Variants in ZNF649 observed in about 807,000 individuals in gnomAD.
ZNF649 encodes the protein zinc finger protein 649.
Under a neutral mutation model 14.1 loss-of-function variants are expected in ZNF649, and 7 were observed. That is an observed-to-expected ratio of 0.49 (90% CI 0.28 to 0.93). The LOEUF is 0.93. Among genes scored for constraint, ZNF649 ranks in the 40% least tolerant of loss-of-function variants. The pLI is 0.10. For synonymous variants in ZNF649, 227 were observed against 212.3 expected (o/e 1.07, Z -0.60); for missense variants, 544 against 608.1 (o/e 0.89, Z 1.11).
intron 2 of ZNF649, 66 bp from the exon 3 acceptor site, chr19:51,897,044 T>C: frequency 6.2e-7 from 1 of 1,604,320 alleles, no homozygotes; most frequent in Non-Finnish European, 8.5e-7. Context: ...ATGAAGTTGT[T>C]CGGCCCATTT....
At chr19:51,895,862 G>A (rs928436564) in intron 4 of ZNF649, among the ~76,000 whole-genome samples, 2 of 152,142 alleles carry the variant, frequency 1.3e-5, no homozygotes, top group Non-Finnish European at 2.9e-5. Context: ...AACTTGAGGA[G>A]AGGGTCTTGG....
intron 3 of ZNF649, 138 bp downstream of exon 3, chr19:51,896,714 C>T (rs1568456276): frequency 1.3e-6 from 2 of 1,576,972 alleles, no homozygotes; most frequent in Admixed American, 1.7e-5. Flanking sequence ...AAGATTATGC[C>T]TCTTCCTGTG....
chr19:51,890,089 G>A lies in ZNF649; in HGVS notation c.*529C>T, dbSNP rs891320821. 3 of 152,296 alleles carry A rather than the reference G, an allele frequency of 2.0e-5. No individual in the cohort carries two copies. 9.4% of individuals were successfully genotyped at this position (152,296 alleles called of 1,614,324 possible). On this transcript the variant is annotated 3_prime_UTR_variant, in exon 5 of 5. Coordinates refer to ENST00000354957, the MANE Select transcript of ZNF649 (RefSeq NM_023074.4). Reference sequence around the variant, plus strand: ...AAAAACCCATGTCAAATTATTAGAGGTTAAAAATTACAATTTCTGAGAGAA... The same window carrying A: ...AAAAACCCATGTCAAATTATTAGAGATTAAAAATTACAATTTCTGAGAGAA...
chr19:51,891,035 A>G lies in ZNF649; in HGVS notation c.1101T>C (p.Tyr367=), dbSNP rs1433687066. ...ATACAAAGGGAGTCTTTCCTGTATGATATCTCTGATGTGCTACAAGGCAAG... is the reference window on the plus strand; with the variant it reads ...ATACAAAGGGAGTCTTTCCTGTATGGTATCTCTGATGTGCTACAAGGCAAG... The part of the protein sequence containing the change: ...QKSCLVAHQR[Y]HTGKTPFVCP... The change falls in exon 5 of 5, where the codon TAT becomes TAC. Residue 367 remains tyrosine, a synonymous_variant. Coordinates refer to ENST00000354957, the MANE Select transcript of ZNF649 (RefSeq NM_023074.4). This position sits in a 1 kb window ranked among gnomAD's most constrained non-coding sequence, Gnocchi z 4.2. The G allele has an allele frequency of 1.9e-6, 3 of 1,614,074 alleles. No homozygotes were observed. Among genetic ancestry groups the G allele is most frequent in the Non-Finnish European group, 2.5e-6 (3 of 1,180,040 alleles).
Position 51,890,555 on chromosome 19 carries a change from C to T in ZNF649, c.*63G>A. The T allele has an allele frequency of 9.0e-7, 1 of 1,108,246 alleles. No individual in the cohort carries two copies. Among genetic ancestry groups the T allele is most frequent in the Non-Finnish European group, 1.3e-6 (1 of 747,842 alleles). The allele number at this position is 1,108,246 out of a possible 1,614,324, so 68.7% of individuals were successfully genotyped here. A position where few individuals can be genotyped will look rare whatever the true frequency, so the allele number is the denominator to read the frequency against. ...CATATTAGTGCAGGGAGCCAAAGGC[C>T]CATGGGACATGACAAACTCAGCATT... On this transcript the variant is annotated 3_prime_UTR_variant, in exon 5 of 5. Coordinates refer to ENST00000354957, the MANE Select transcript of ZNF649 (RefSeq NM_023074.4).
chr19:51,898,421 C>G (rs879527781), intron 2 of ZNF649, among the ~76,000 whole-genome samples: 1 of 152,080 alleles, frequency 6.6e-6, no homozygotes, highest in Admixed American at 6.5e-5. Context: ...AAATGTCACA[C>G]AATTACAGTT....
intron 4 of ZNF649, among the ~76,000 whole-genome samples, chr19:51,893,321 C>T (rs1425020633): frequency 6.6e-6 from 1 of 151,790 alleles, no homozygotes; most frequent in South Asian, 2.1e-4. Flanking sequence ...TAAGACTCCC[C>T]ATCTCTCACT....
chr19:51,898,118 A>G (rs896159374), intron 2 of ZNF649, among the ~76,000 whole-genome samples: 7 of 150,264 alleles, frequency 4.7e-5, no homozygotes, highest in Admixed American at 2.0e-4. Flanking sequence ...AAAAAAAACT[A>G]TGAATCTGTG....
rs2085022741 is a variant in ZNF649, at chr19:51,891,536, A to G, written c.600T>C (p.His200=). 17 of 1,614,028 alleles carry G rather than the reference A, an allele frequency of 1.1e-5. No individual in the cohort carries two copies. The highest frequency in any genetic ancestry group is 1.3e-5 in the African/African-American group (1 of 74,910). ...KSQLTEHKRI[H]TGKKPHVCSL... The stretch of plus-strand genomic sequence containing the variant: ...TACACACGTGGGGTTTCTTTCCTGT[A>G]TGAATTCTCTTATGCTCAGTGAGCT... Residue 200 remains histidine, a synonymous_variant, in exon 5 of 5, where the codon CAT becomes CAC. Coordinates refer to ENST00000354957, the MANE Select transcript of ZNF649 (RefSeq NM_023074.4). This position sits in a 1 kb window ranked among gnomAD's most constrained non-coding sequence, Gnocchi z 4.2.
At chr19:51,895,713 C>T (rs995222272) in intron 4 of ZNF649, among the ~76,000 whole-genome samples, 5 of 151,764 alleles carry the variant, frequency 3.3e-5, no homozygotes, top group African/African-American at 9.7e-5. Flanking sequence ...CTCTTTCTCC[C>T]TCTCTCTCTT....
At chr19:51,900,001 A>G in intron 2 of ZNF649, 92 bp downstream of exon 2, 1 of 1,235,936 alleles carries the variant, frequency 8.1e-7, no homozygotes, top group Non-Finnish European at 1.1e-6. Flanking sequence ...ATTTTTTCCA[A>G]TTTATACTTT....
rs2085079559 is a variant in ZNF649 at position 51,898,865 on chromosome 19, G to A, written c.15+1228C>T. Among the ~76,000 whole-genome samples the A allele has an allele frequency of 3.3e-5, 5 of 151,930 alleles. No homozygotes were observed. In the South Asian group the frequency reaches 8.3e-4, roughly 25 times the overall value. Reference sequence around the variant, plus strand: ...AAGGTGGAGGATGCAGTGAGCCGAGGTTGCACCACTGCACTCCAGCCTGGC... The same window carrying A: ...AAGGTGGAGGATGCAGTGAGCCGAGATTGCACCACTGCACTCCAGCCTGGC... On this transcript the variant is annotated intron_variant, in intron 2 of 4. Coordinates refer to ENST00000354957, the MANE Select transcript of ZNF649 (RefSeq NM_023074.4).
At chr19:51,893,481 A>T (rs1282334682) in intron 4 of ZNF649, among the ~76,000 whole-genome samples, 1 of 152,186 alleles carries the variant, frequency 6.6e-6, no homozygotes, top group Non-Finnish European at 1.5e-5. Flanking sequence ...TAGAATATAA[A>T]GTTTCTCTTT....
rs1599884360 is a variant in ZNF649 at position 51,890,417 on chromosome 19, G to A, written c.*201C>T. ...GCCTCTAAAACTGCCCCCCTCCCCAGCCAAACTCTATGATCAAGATAGTAA... is the reference window on the plus strand; with the variant it reads ...GCCTCTAAAACTGCCCCCCTCCCCAACCAAACTCTATGATCAAGATAGTAA... On this transcript the variant is annotated 3_prime_UTR_variant, in exon 5 of 5. Coordinates refer to ENST00000354957, the MANE Select transcript of ZNF649 (RefSeq NM_023074.4). The A allele has an allele frequency of 6.0e-6, 3 of 501,368 alleles. No individual in the cohort carries two copies. The highest frequency in any genetic ancestry group is 3.8e-5 in the African/African-American group (2 of 52,034). 31.1% of individuals were successfully genotyped at this position (501,368 alleles called of 1,614,324 possible).
chr19:51,890,743 T>A lies in ZNF649; in HGVS notation c.1393A>T (p.Asn465Tyr). ...AAGCTGTGACTTGCTGTGGAAGGAT[T>A]TTCCACCTTCACTGAATCCCCCCGT... is the stretch of plus-strand genomic sequence containing the variant. ...EKRGDSVKVE[N>Y]PSTASHSLSP... The change falls in exon 5 of 5, where the codon AAT (asparagine) becomes TAT (tyrosine). Residue 465 changes from asparagine (N) to tyrosine (Y), a missense_variant. By Grantham distance (143) the Asn-to-Tyr change is moderately radical. Coordinates refer to ENST00000354957, the MANE Select transcript of ZNF649 (RefSeq NM_023074.4). 2 of 1,614,222 alleles carry A rather than the reference T, an allele frequency of 1.2e-6. No homozygotes were observed. Among genetic ancestry groups the A allele is most frequent in the Admixed American group, 1.7e-5 (1 of 60,032 alleles).
At chr19:51,903,115 C>T (rs1015643025) in intron 1 of ZNF649, among the ~76,000 whole-genome samples, 5 of 152,002 alleles carry the variant, frequency 3.3e-5, no homozygotes, top group Non-Finnish European at 5.9e-5. Flanking sequence ...TAGCAAGGGG[C>T]GTGGGACTTC....
At chr19:51,898,236 A>C (rs1411869544) in intron 2 of ZNF649, among the ~76,000 whole-genome samples, 1 of 152,052 alleles carries the variant, frequency 6.6e-6, no homozygotes, top group Non-Finnish European at 1.5e-5. Flanking sequence ...GCTGAGGGTT[A>C]TCATCAGACT....
In ZNF649 at chr19:51,890,539, G is replaced by A. The variant is rs1599884394; in HGVS notation, c.*79C>T. The A allele has an allele frequency of 1.1e-6, 1 of 904,868 alleles. No individual in the cohort carries two copies. Among genetic ancestry groups the A allele is most frequent in the East Asian group, 2.4e-5 (1 of 41,254 alleles). The allele number at this position is 904,868 out of a possible 1,614,324, so 56.1% of individuals were successfully genotyped here. ...TGTAAACCCTACTATACATATTAGTGCAGGGAGCCAAAGGCCCATGGGACA... is the reference window on the plus strand; with the variant it reads ...TGTAAACCCTACTATACATATTAGTACAGGGAGCCAAAGGCCCATGGGACA... On this transcript the variant is annotated 3_prime_UTR_variant, in exon 5 of 5. Coordinates refer to ENST00000354957, the MANE Select transcript of ZNF649 (RefSeq NM_023074.4).
In ZNF649 at chr19:51,900,073, T is replaced by TA; in HGVS notation, c.15+19dup. The stretch of plus-strand genomic sequence containing the variant: ...ATCCATCAGGGAATCGAGTTAAGAA[T>TA]AAAACAAACCAAAAGTTACCTGGGC... On this transcript the variant is annotated intron_variant, in intron 2 of 4. Coordinates refer to ENST00000354957, the MANE Select transcript of ZNF649 (RefSeq NM_023074.4). 1.3e-6 allele frequency: 2 copies of TA among 1,514,916 alleles called. No individual in the cohort carries two copies. Among genetic ancestry groups the TA allele is most frequent in the Non-Finnish European group, 1.8e-6 (2 of 1,130,626 alleles). The allele number at this position is 1,514,916 out of a possible 1,614,324, so 93.8% of individuals were successfully genotyped here. A position where few individuals can be genotyped will look rare whatever the true frequency, so the allele number is the denominator to read the frequency against.
Sources: gnomAD v4.1 joint callset for allele counts (sites outside exome capture counted in the v4.1 genomes callset) on GRCh38, gnomAD v4.1.1 for gene constraint, Gnocchi (gnomAD v3.1) non-coding constraint, MANE v1.5 for transcripts, NCBI Gene and HGNC (gene_info 2026-07-23, HGNC 2026-07-21) for gene names.